The following YWHAE variants were observed in gnomAD, a reference collection of about 807,000 sequenced individuals.
YWHAE encodes tyrosine 3-monooxygenase/tryptophan 5-monooxygenase activation protein epsilon, also known as 14-3-3 protein epsilon.
In YWHAE, 4 loss-of-function variants were observed where a neutral mutation model predicts 30.1. That is an observed-to-expected ratio of 0.13 (90% CI 0.07 to 0.30). YWHAE has a LOEUF of 0.30. YWHAE is among the 10% of genes least tolerant of loss of function. The pLI, the probability that YWHAE is intolerant of heterozygous loss-of-function variation, is 1.00. For missense variants in YWHAE, 121 were observed against 315.9 expected (o/e 0.38, Z 4.68); for synonymous variants, 118 against 111.8 (o/e 1.06, Z -0.35).
intron 1 of YWHAE, among the ~76,000 whole-genome samples, chr17:1,375,172 C>T (rs1227664513): frequency 6.6e-6 from 1 of 152,164 alleles, no homozygotes; most frequent in East Asian, 1.9e-4. Context: ...GTACAAATAA[C>T]GACTACAATG....
intron 1 of YWHAE, among the ~76,000 whole-genome samples, chr17:1,373,503 A>C (rs2073074410): frequency 6.7e-6 from 1 of 150,110 alleles, no homozygotes; most frequent in South Asian, 2.1e-4. Flanking sequence ...GTCTCTACTA[A>C]ATATACAATA....
intron 5 of YWHAE, chr17:1,347,955 G>A: frequency 5.9e-6 from 6 of 1,008,412 alleles, no homozygotes; most frequent in Non-Finnish European, 7.1e-6. Flanking sequence ...CCATGAACGT[G>A]ACTTACAAAG....
intron 1 of YWHAE, among the ~76,000 whole-genome samples, chr17:1,391,941 C>T (rs1017500125): frequency 2.0e-5 from 3 of 152,116 alleles, no homozygotes; most frequent in African/African-American, 7.2e-5. Context: ...TTTTTGCCAG[C>T]CATGGTGGCT....
intron 4 of YWHAE, among the ~76,000 whole-genome samples, chr17:1,360,151 A>C (rs1423850696): frequency 6.6e-6 from 1 of 152,076 alleles, no homozygotes; most frequent in African/African-American, 2.4e-5. Context: ...TAATAGAGAC[A>C]GAGTTTCACC....
chr17:1,349,193 T>C (rs963565142), intron 5 of YWHAE, among the ~76,000 whole-genome samples: 1 of 151,756 alleles, frequency 6.6e-6, no homozygotes, highest in African/African-American at 2.4e-5. Context: ...ATACGAATTA[T>C]TGCCAGGCGT....
intron 1 of YWHAE, among the ~76,000 whole-genome samples, chr17:1,370,679 C>A (rs1310096561): frequency 6.6e-6 from 1 of 152,084 alleles, no homozygotes; most frequent in African/African-American, 2.4e-5. Context: ...GATCTGCCTA[C>A]CTGCTGTGTT....
chr17:1,388,096 TTTTTGTTTTTTTTTTTGGTTGG>T (rs1264713592), intron 1 of YWHAE, among the ~76,000 whole-genome samples: 37 of 75,492 alleles, frequency 4.9e-4, no homozygotes, highest in South Asian at 2.1e-3. Context: ...GCCTGGGTAA[TTTTTGTTTTTTTTTTTGGTTGG>T]TTTTTTTTTT....
chr17:1,394,094 TGA>T (rs1234927592), intron 1 of YWHAE, among the ~76,000 whole-genome samples: 1 of 152,150 alleles, frequency 6.6e-6, no homozygotes, highest in Non-Finnish European at 1.5e-5. Context: ...TTTGAGTGGC[TGA>T]GAGTAAGTGT....
At position 1,344,340 on chromosome 17, in the gene YWHAE, GAC is replaced by G. The variant is rs1307611156; in HGVS notation, c.*1105_*1106del. On this transcript the variant is annotated 3_prime_UTR_variant, in exon 6 of 6. Transcript: ENST00000264335. ...TGTTGCTGCCTGGTCTGGAGGACAA[GAC>G]ACACCATCAACTGACTCAGTGTTCT... The G allele has an allele frequency of 5.9e-6, 1 of 168,096 alleles. No individual in the cohort carries two copies. The highest frequency in any genetic ancestry group is 1.3e-5 in the Non-Finnish European group (1 of 77,202). The allele number at this position is 168,096 out of a possible 1,614,324, so 10.4% of individuals were successfully genotyped here.
chr17:1,344,759 A>G lies in YWHAE; in HGVS notation c.*688T>C, dbSNP rs551647681. The G allele has an allele frequency of 4.3e-6, 1 of 232,978 alleles. No individual in the cohort carries two copies. The highest frequency in any genetic ancestry group is 1.8e-4 in the South Asian group (1 of 5,526). 14.4% of individuals were successfully genotyped at this position (232,978 alleles called of 1,614,324 possible). ...GGGGGAGGGGGAAGGAGAAGAAACA[A>G]AAGAATTGAACAGGCATGCAGGCTT... On this transcript the variant is annotated 3_prime_UTR_variant, in exon 6 of 6. Coordinates refer to ENST00000264335, the MANE Select transcript of YWHAE (RefSeq NM_006761.5).
In YWHAE at chr17:1,388,101, GTTTTTTTTTTTGGTTGGTTTTTTTT is replaced by G. The variant is rs1396430155; in HGVS notation, c.64+11921_64+11945del. 2.4e-4 allele frequency among the ~76,000 whole-genome samples: 15 copies of G among 62,390 alleles called. 1 individual carries two copies. The highest frequency in any genetic ancestry group is 9.4e-4 in the East Asian group (2 of 2,124). The allele number at this position is 62,390 out of a possible 152,430, so 40.9% of individuals were successfully genotyped here. A position where few individuals can be genotyped will look rare whatever the true frequency, so the allele number is the denominator to read the frequency against. On this transcript the variant is annotated intron_variant, in intron 1 of 5. Coordinates refer to ENST00000264335, the MANE Select transcript of YWHAE (RefSeq NM_006761.5). Reference sequence around the variant, plus strand: ...CCACCACCACGCCTGGGTAATTTTTGTTTTTTTTTTTGGTTGGTTTTTTTTTTTTTTTTTTTTTTTTAGTAGAGAC... The same window carrying G: ...CCACCACCACGCCTGGGTAATTTTTGTTTTTTTTTTTTTTTTAGTAGAGAC...
intron 5 of YWHAE, among the ~76,000 whole-genome samples, chr17:1,353,479 A>G (rs2072675689): frequency 6.7e-6 from 1 of 148,886 alleles, no homozygotes; most frequent in Non-Finnish European, 1.5e-5. Context: ...AAGAATAAAA[A>G]CAGCAGGGCG....
At chr17:1,370,981 A>C (rs1385129373) in intron 1 of YWHAE, among the ~76,000 whole-genome samples, 1 of 152,094 alleles carries the variant, frequency 6.6e-6, no homozygotes, top group East Asian at 1.9e-4. Flanking sequence ...CCTGGGCGAC[A>C]CAGCGAGACT....
intron 1 of YWHAE, among the ~76,000 whole-genome samples, chr17:1,396,094 G>A (rs1305959214): frequency 6.6e-6 from 1 of 151,960 alleles, no homozygotes; most frequent in Non-Finnish European, 1.5e-5. Flanking sequence ...ACTACAGCCT[G>A]GGCGACAAGA....
At chr17:1,388,207 C>G (rs1174999535) in intron 1 of YWHAE, among the ~76,000 whole-genome samples, 2 of 140,748 alleles carry the variant, frequency 1.4e-5, no homozygotes. Flanking sequence ...GTGATCTGCC[C>G]TCCTCGGCCT....
intron 4 of YWHAE, among the ~76,000 whole-genome samples, chr17:1,356,570 T>C (rs1051549373): frequency 2.0e-5 from 3 of 152,216 alleles, no homozygotes; most frequent in Non-Finnish European, 4.4e-5. Context: ...GACTGGAGTC[T>C]GACAAGGAAA....
At chr17:1,355,894 T>C (rs1275193375) in intron 4 of YWHAE, among the ~76,000 whole-genome samples, 1 of 151,880 alleles carries the variant, frequency 6.6e-6, no homozygotes, top group Non-Finnish European at 1.5e-5. Context: ...TTAGGCCGGG[T>C]GCAGTGGCTC....
intron 5 of YWHAE, among the ~76,000 whole-genome samples, chr17:1,351,054 G>A (rs931699750): frequency 2.7e-5 from 4 of 147,398 alleles, no homozygotes; most frequent in African/African-American, 1.0e-4. Context: ...GAGAGACTCC[G>A]TCTCACAAAA....
chr17:1,398,846 G>T (rs989501424), intron 1 of YWHAE: 1 of 152,082 alleles, frequency 6.6e-6, no homozygotes, highest in Non-Finnish European at 1.5e-5. Flanking sequence ...AGGGGCAAAA[G>T]AACAACGAAC....
Sources: gnomAD v4.1 joint callset for allele counts (sites outside exome capture counted in the v4.1 genomes callset) on GRCh38, gnomAD v4.1.1 for gene constraint, MANE v1.5 for transcripts, NCBI Gene and HGNC (gene_info 2026-07-23, HGNC 2026-07-21) for gene names.